MALRD1: variants seen among roughly 807,000 people sequenced by gnomAD.
MALRD1 encodes MAM and LDL-receptor class A domain-containing protein 1.
A neutral mutation model predicts 242.1 loss-of-function variants in MALRD1; 247 were observed. That is an observed-to-expected ratio of 1.02 (90% CI 0.92 to 1.13). MALRD1 has a LOEUF of 1.13. MALRD1 is among the 50% of genes most tolerant of loss of function. MALRD1 has a pLI of 0.00. For synonymous variants in MALRD1, 995 were observed against 866.6 expected (o/e 1.15, Z -2.60); for missense variants, 2,989 against 2,533.1 (o/e 1.18, Z -3.86).
intron 18 of MALRD1, among the ~76,000 whole-genome samples, chr10:19,210,483 C>G (rs1837002361): frequency 6.6e-6 from 1 of 152,164 alleles, no homozygotes; most frequent in South Asian, 2.1e-4. Context: ...GAGCCTATAA[C>G]ATGCAGGGGG....
intron 28 of MALRD1, among the ~76,000 whole-genome samples, chr10:19,406,934 A>T (rs898789433): frequency 9.9e-5 from 15 of 152,036 alleles, no homozygotes; most frequent in African/African-American, 2.9e-4. Context: ...AATATATCAG[A>T]TTTTTTTTAG....
At chr10:19,179,954 C>G (rs1835430776) in intron 14 of MALRD1, among the ~76,000 whole-genome samples, 1 of 151,892 alleles carries the variant, frequency 6.6e-6, no homozygotes, top group African/African-American at 2.4e-5. Context: ...TAAAACTATC[C>G]TAGCATCCCT....
Position 19,715,402 on chromosome 10 carries a change from A to G in MALRD1, c.6315-15304A>G, listed in dbSNP as rs75932794. 5.4e-4 allele frequency among the ~76,000 whole-genome samples: 82 copies of G among 150,960 alleles called. No homozygotes were observed. In the East Asian group the frequency reaches 0.012, roughly 22 times the overall value. Reference sequence around the variant, plus strand: ...TATTTAAAGTATATATATAATATTTATCTATATATAAAATGTAACATTCTG... The same window carrying G: ...TATTTAAAGTATATATATAATATTTGTCTATATATAAAATGTAACATTCTG... On this transcript the variant is annotated intron_variant, in intron 38 of 39. Coordinates refer to ENST00000454679, the MANE Select transcript of MALRD1 (RefSeq NM_001142308.3).
At chr10:19,654,858 G>A (rs1468490212) in intron 36 of MALRD1, among the ~76,000 whole-genome samples, 2 of 152,130 alleles carry the variant, frequency 1.3e-5, no homozygotes, top group African/African-American at 2.4e-5. Flanking sequence ...GGGGCTGGAC[G>A]CTTACATATT....
chr10:19,124,083 G>C (rs943847282), intron 6 of MALRD1, among the ~76,000 whole-genome samples: 1 of 151,578 alleles, frequency 6.6e-6, no homozygotes, highest in Non-Finnish European at 1.5e-5. Context: ...TGAGCATGGT[G>C]GCATGCACCT....
intron 21 of MALRD1, among the ~76,000 whole-genome samples, chr10:19,293,745 G>A (rs931224423): frequency 1.3e-5 from 2 of 151,948 alleles, no homozygotes; most frequent in Admixed American, 1.3e-4. Context: ...CAAACACTGT[G>A]ACCTATTTGA....
intron 29 of MALRD1, among the ~76,000 whole-genome samples, chr10:19,466,043 T>TACATTTACATCTATGA (rs1267039789): frequency 6.6e-6 from 1 of 152,210 alleles, no homozygotes; most frequent in African/African-American, 2.4e-5. Flanking sequence ...TGTAGATTGT[T>TACATTTACATCTATGA]TTAATTTACA....
chr10:19,643,996 C>T (rs546504381), intron 36 of MALRD1, among the ~76,000 whole-genome samples: 1 of 152,080 alleles, frequency 6.6e-6, no homozygotes, highest in South Asian at 2.1e-4. Flanking sequence ...AAGCAGCTCT[C>T]TGCTACAGAT....
chr10:19,228,640 C>CAGTGT (rs1837903165), intron 18 of MALRD1, among the ~76,000 whole-genome samples: 2 of 151,998 alleles, frequency 1.3e-5, no homozygotes. Flanking sequence ...CTGCTGAGTG[C>CAGTGT]CAACTTGAGA....
Position 19,692,147 on chromosome 10 carries a change from G to T in MALRD1, c.6138-135G>T, listed in dbSNP as rs564617415. 7.1e-4 allele frequency: 480 copies of T among 673,504 alleles called. No individual in the cohort carries two copies. In the African/African-American group the frequency reaches 7.2e-3, roughly 10 times the overall value. 41.7% of individuals were successfully genotyped at this position (673,504 alleles called of 1,614,324 possible). On this transcript the variant is annotated intron_variant, in intron 36 of 39. Transcript: ENST00000454679. ...GTTTTGCTTTGGCTTAAAGTTTTTG[G>T]TTTTTTATCAAAGTTATCCATGTTC...
chr10:19,259,491 AAG>A (rs1839654287), intron 19 of MALRD1, among the ~76,000 whole-genome samples: 1 of 152,184 alleles, frequency 6.6e-6, no homozygotes. Flanking sequence ...GTTATAGGCA[AAG>A]AGAGTGTGTA....
chr10:19,300,931 A>C (rs1462264350), intron 21 of MALRD1, among the ~76,000 whole-genome samples: 1 of 152,086 alleles, frequency 6.6e-6, no homozygotes, highest in Non-Finnish European at 1.5e-5. Flanking sequence ...AAATCTATAG[A>C]ATGGGAGAAA....
rs114992751 is a variant in MALRD1 at position 19,488,045 on chromosome 10, C to T, written c.5030-3472C>T. Among the ~76,000 whole-genome samples the T allele has an allele frequency of 6.3e-3, 956 of 152,122 alleles. 15 individuals are homozygous for T. Among genetic ancestry groups the T allele is most frequent in the African/African-American group, 0.022 (912 of 41,502 alleles). On this transcript the variant is annotated intron_variant, in intron 29 of 39. Transcript: ENST00000454679. The stretch of plus-strand genomic sequence containing the variant: ...TACATCACCTCTGAACCTATAATCA[C>T]CTATGTAACAAAGGAACTGCTGAAT...
intron 29 of MALRD1, among the ~76,000 whole-genome samples, chr10:19,472,474 C>T (rs1182190638): frequency 6.6e-6 from 1 of 151,908 alleles, no homozygotes; most frequent in Non-Finnish European, 1.5e-5. Flanking sequence ...GAAGGATTGT[C>T]ATCAATCTTT....
chr10:19,107,258 C>G (rs1040165989), intron 5 of MALRD1, among the ~76,000 whole-genome samples: 2 of 151,868 alleles, frequency 1.3e-5, no homozygotes, highest in Admixed American at 1.3e-4. Context: ...GTATTGCAGT[C>G]TATCTATTTC....
intron 38 of MALRD1, chr10:19,711,388 T>G (rs1834106266): frequency 6.6e-6 from 1 of 152,218 alleles, no homozygotes; most frequent in Admixed American, 6.5e-5. Flanking sequence ...CTAGTCACTG[T>G]GTTAGGGGCT....
intron 32 of MALRD1, among the ~76,000 whole-genome samples, chr10:19,563,255 T>C (rs1836085039): frequency 6.6e-6 from 1 of 152,180 alleles, no homozygotes; most frequent in South Asian, 2.1e-4. Flanking sequence ...TTAATATCAG[T>C]AGCATTGTTG....
chr10:19,609,557 G>A (rs1346784952), intron 35 of MALRD1, among the ~76,000 whole-genome samples: 1 of 151,922 alleles, frequency 6.6e-6, no homozygotes, highest in African/African-American at 2.4e-5. Flanking sequence ...TCCCATAGTG[G>A]TCTCACCATG....
chr10:19,230,092 C>T (rs1159396385), intron 18 of MALRD1, among the ~76,000 whole-genome samples: 1 of 152,086 alleles, frequency 6.6e-6, no homozygotes, highest in Non-Finnish European at 1.5e-5. Flanking sequence ...TTGCTGTTTG[C>T]CTGCTGCCAT....
Sources: allele counts gnomAD v4.1 joint callset (sites outside exome capture counted in the v4.1 genomes callset), GRCh38; gene constraint gnomAD v4.1.1; transcripts MANE v1.5; gene names NCBI Gene and HGNC (gene_info 2026-07-23, HGNC 2026-07-21).